Variants in ABLIM1 observed in about 807,000 individuals in gnomAD.
The protein encoded by ABLIM1 is actin-binding LIM protein 1.
ABLIM1 carries 40 observed loss-of-function variants against 107.0 expected under a neutral mutation model. That is an observed-to-expected ratio of 0.37 (90% CI 0.29 to 0.49). ABLIM1 has a LOEUF of 0.49. Among genes scored for constraint, ABLIM1 ranks in the 20% least tolerant of loss-of-function variants. ABLIM1 has a pLI of 0.97. For missense variants in ABLIM1, 857 were observed against 1,008.5 expected, an observed-to-expected ratio of 0.85 and a Z score of 2.04; for synonymous variants, 357 against 357.3, an observed-to-expected ratio of 1.00 and a Z score of 0.01.
chr10:114,635,373 C>T (rs1175645588), intron 1 of ABLIM1, among the ~76,000 whole-genome samples: 5 of 152,236 alleles, frequency 3.3e-5, no homozygotes, highest in Admixed American at 6.5e-5. Flanking sequence ...ACAAGCAACC[C>T]GGCAGAGTCC....
At chr10:114,491,012 G>GTATGTATATA (rs1555092305) in intron 7 of ABLIM1, among the ~76,000 whole-genome samples, 1 of 92,396 alleles carries the variant, frequency 1.1e-5, no homozygotes, top group Non-Finnish European at 2.0e-5. Context: ...GTGTGTGTGT[G>GTATGTATATA]TATATATATA....
At chr10:114,500,396 A>C (rs1034587483) in intron 6 of ABLIM1, among the ~76,000 whole-genome samples, 1 of 152,128 alleles carries the variant, frequency 6.6e-6, no homozygotes, top group African/African-American at 2.4e-5. Context: ...ACCTGTAAAA[A>C]CTAGTATAAG....
At chr10:114,737,073 C>T (rs1332014278) in intron 1 of ABLIM1, among the ~76,000 whole-genome samples, 2 of 152,144 alleles carry the variant, frequency 1.3e-5, no homozygotes, top group African/African-American at 4.8e-5. Context: ...CCTGTAACCC[C>T]AGCTACTCAA....
At chr10:114,565,873 C>T (rs2070653505) in intron 4 of ABLIM1, among the ~76,000 whole-genome samples, 1 of 144,258 alleles carries the variant, frequency 6.9e-6, no homozygotes, top group Non-Finnish European at 1.5e-5. Flanking sequence ...CGGCTCACTG[C>T]AAGCTCCGCC....
At chr10:114,583,468 CATATATATATAT>C (rs140129654) in intron 2 of ABLIM1, among the ~76,000 whole-genome samples, 244 of 15,004 alleles carry the variant, frequency 0.016, 2 homozygotes, top group Middle Eastern at 0.042. Flanking sequence ...CACACACACA[CATATATATATAT>C]ATATATATAT....
At chr10:114,785,453 G>C in the ABLIM1 span, among the ~76,000 whole-genome samples, 1 of 152,238 alleles carries the variant, frequency 6.6e-6, no homozygotes, top group East Asian at 1.9e-4. Flanking sequence ...GTTACTTAAA[G>C]ACTTTATTGG....
rs753929499 is a variant in ABLIM1, at chr10:114,657,961, AG to A, written c.239del (p.Pro80LeufsTer60). 2.1e-5 allele frequency: 33 copies of A among 1,607,938 alleles called. No individual in the cohort carries two copies. Among genetic ancestry groups the A allele is most frequent in the Non-Finnish European group, 2.8e-5 (33 of 1,175,526 alleles). On this transcript the variant is annotated frameshift_variant, in exon 1 of 23. Coordinates refer to ENST00000533213, the MANE Select transcript of ABLIM1 (RefSeq NM_002313.7). LOFTEE classifies it high-confidence loss of function. ...AGAGAGGGTTATTTTACTTACCAAA[AG>A]GATCAACGCTGTTACATACACGCCC... ...PRGRVCNSVD[P>X]FVAHPQDPHH...
intron 1 of ABLIM1, among the ~76,000 whole-genome samples, chr10:114,704,338 CG>C (rs2081377333): frequency 1.1e-5 from 1 of 90,168 alleles, no homozygotes; most frequent in African/African-American, 4.0e-5. Flanking sequence ...ATATATATTG[CG>C]CGCGTTACAT....
chr10:114,531,381 A>G (rs2065435772), intron 6 of ABLIM1, among the ~76,000 whole-genome samples: 2 of 152,242 alleles, frequency 1.3e-5, no homozygotes, highest in Admixed American at 1.3e-4. Context: ...AGGATGGGAC[A>G]TCTTCAGATT....
chr10:114,787,223 C>A, the ABLIM1 span, among the ~76,000 whole-genome samples: 3 of 151,858 alleles, frequency 2.0e-5, no homozygotes, highest in Admixed American at 6.6e-5. Flanking sequence ...GCCTGGCAAC[C>A]GCCCTGTCTG....
At chr10:114,466,043 T>A (rs771857021) in intron 11 of ABLIM1, among the ~76,000 whole-genome samples, 1 of 152,224 alleles carries the variant, frequency 6.6e-6, no homozygotes, top group African/African-American at 2.4e-5. Context: ...CTTGGGCTTA[T>A]TACAAAATTT....
At chr10:114,639,079 A>T (rs61867923) in intron 1 of ABLIM1, among the ~76,000 whole-genome samples, 8,091 of 152,208 alleles carry the variant, frequency 0.053, 399 homozygotes, top group African/African-American at 0.13. Flanking sequence ...CTTATAATAA[A>T]TTCTCCTAAT....
chr10:114,787,404 G>A, the ABLIM1 span, among the ~76,000 whole-genome samples: 1 of 150,344 alleles, frequency 6.7e-6, no homozygotes. Flanking sequence ...GGAGGGAGAT[G>A]GGGGGGTCAG....
chr10:114,742,483 C>G (rs2082306993), intron 1 of ABLIM1, among the ~76,000 whole-genome samples: 1 of 152,178 alleles, frequency 6.6e-6, no homozygotes, highest in Non-Finnish European at 1.5e-5. Context: ...AAGATGAAAA[C>G]ATTCTCATCT....
intron 12 of ABLIM1, among the ~76,000 whole-genome samples, chr10:114,463,890 A>G (rs534997291): frequency 2.4e-4 from 37 of 152,314 alleles, no homozygotes; most frequent in African/African-American, 8.9e-4. Flanking sequence ...CCTTCAAAAT[A>G]ATAACTTTAA....
chr10:114,472,402 C>G (rs11196754), intron 10 of ABLIM1, among the ~76,000 whole-genome samples: 84,324 of 151,880 alleles, frequency 0.56, 24,807 homozygotes, highest in African/African-American at 0.77. Flanking sequence ...AGGAAACTAG[C>G]AGCAGAATGG....
At chr10:114,598,926 A>G (rs1409040384) in intron 2 of ABLIM1, among the ~76,000 whole-genome samples, 1 of 152,056 alleles carries the variant, frequency 6.6e-6, no homozygotes, top group Non-Finnish European at 1.5e-5. Context: ...AGCTTGCATG[A>G]TATTTCTACC....
chr10:114,441,182 C>A, intron 18 of ABLIM1, 105 bp from the exon 19 acceptor site: 3 of 1,231,588 alleles, frequency 2.4e-6, no homozygotes, highest in Non-Finnish European at 2.2e-6. Context: ...TCTTCCCAAG[C>A]TAAATGTCAG....
At chr10:114,574,393 C>T (rs1370202339) in intron 3 of ABLIM1, among the ~76,000 whole-genome samples, 1 of 152,142 alleles carries the variant, frequency 6.6e-6, no homozygotes, top group African/African-American at 2.4e-5. Context: ...TTCCCACTCA[C>T]ACTTCACATA....
Sources: gnomAD v4.1 joint callset for allele counts (sites outside exome capture counted in the v4.1 genomes callset) on GRCh38, gnomAD v4.1.1 for gene constraint, MANE v1.5 for transcripts, NCBI Gene and HGNC (gene_info 2026-07-23, HGNC 2026-07-21) for gene names.